The following EMG1 variants were observed in gnomAD, a reference collection of about 807,000 sequenced individuals.
The protein encoded by EMG1 is ribosomal RNA small subunit methyltransferase NEP1.
Under a neutral mutation model 26.9 loss-of-function variants are expected in EMG1, and 24 were observed. The ratio of observed to expected loss-of-function variants is 0.89; its 90% confidence interval spans 0.65 to 1.26. The LOEUF is 1.26. Among genes scored for constraint, EMG1 ranks in the 50% most tolerant of loss-of-function variants. The pLI is 0.00. For missense variants in EMG1, 299 were observed against 307.6 expected (o/e 0.97, Z 0.21); for synonymous variants, 140 against 112.6 (o/e 1.24, Z -1.54).
rs1358110272 is a variant in EMG1 at position 6,978,088 on chromosome 12, A to G, written c.*2279A>G. ...GTTGATAAACAGGGCAGTGGAGGAC[A>G]TAAGTCCATTGGCAGAGCTGGAGTA... On this transcript the variant is annotated 3_prime_UTR_variant, in exon 6 of 6. Coordinates refer to ENST00000599672, the MANE Select transcript of EMG1 (RefSeq NM_006331.8). 5 of 566,814 alleles carry G rather than the reference A, an allele frequency of 8.8e-6. No homozygotes were observed. Among genetic ancestry groups the G allele is most frequent in the East Asian group, 6.0e-5 (2 of 33,320 alleles). 35.1% of individuals were successfully genotyped at this position (566,814 alleles called of 1,614,324 possible). A position where few individuals can be genotyped will look rare whatever the true frequency, so the allele number is the denominator to read the frequency against.
downstream of EMG1, chr12:6,981,006 G>A: frequency 6.3e-7 from 1 of 1,591,718 alleles, no homozygotes; most frequent in Non-Finnish European, 8.5e-7. Context: ...GCAATTACCT[G>A]TTTGGTATCT....
chr12:6,981,746 G>C, downstream of EMG1: 3 of 1,468,244 alleles, frequency 2.0e-6, no homozygotes, highest in South Asian at 3.4e-5. Flanking sequence ...GGGTGCCGAG[G>C]AAGTTTTTAG....
chr12:6,992,302 T>C (rs1251821675), downstream of EMG1, among the ~76,000 whole-genome samples: 1 of 151,506 alleles, frequency 6.6e-6, no homozygotes. Flanking sequence ...CACCGCACTC[T>C]AGCCTGGGTA....
rs1946450613 is a variant in EMG1, at chr12:6,979,777, C to T, written c.*3968C>T. On this transcript the variant is annotated 3_prime_UTR_variant, in exon 6 of 6. Coordinates refer to ENST00000599672, the MANE Select transcript of EMG1 (RefSeq NM_006331.8). ...GGCTATGAGGAATGGGGACTGCAAA[C>T]CTCTTAAGAGTTGTAGGAAAGTCAG... 1.7e-6 allele frequency: 1 copy of T among 593,184 alleles called. No homozygotes were observed. The highest frequency in any genetic ancestry group is 3.0e-6 in the Non-Finnish European group (1 of 332,268). 36.7% of individuals were successfully genotyped at this position (593,184 alleles called of 1,614,324 possible).
At chr12:6,974,239 G>C in intron 1 of EMG1, 100 bp from the exon 2 acceptor site, 1 of 836,768 alleles carries the variant, frequency 1.2e-6, no homozygotes, top group Non-Finnish European at 2.0e-6. Flanking sequence ...AAGTTTCCAG[G>C]TGCAGCTGCT....
chr12:6,974,940 GCAAC>G lies in EMG1; in HGVS notation c.413-149_413-146del, dbSNP rs1555152879. 4.5e-6 allele frequency: 4 copies of G among 883,996 alleles called. No individual in the cohort carries two copies. In the African/African-American group the frequency reaches 5.0e-5, roughly 11 times the overall value. 54.8% of individuals were successfully genotyped at this position (883,996 alleles called of 1,614,324 possible). A position where few individuals can be genotyped will look rare whatever the true frequency, so the allele number is the denominator to read the frequency against. ...CACTGTACAGCTAGCCATATGCTTG[GCAAC>G]TGTTTGTTCCTAACATTTCAGGAGT... On this transcript the variant is annotated intron_variant, in intron 3 of 5. Transcript: ENST00000599672.
At chr12:6,990,543 A>AAATT (rs1410857198), downstream of EMG1, among the ~76,000 whole-genome samples, 1 of 143,080 alleles carries the variant, frequency 7.0e-6, no homozygotes, top group Non-Finnish European at 1.6e-5. Context: ...ATAAATAAAT[A>AAATT]AATAAATAAA....
chr12:6,985,963 C>T lies in EMG1; in HGVS notation c.*155-1819C>T, dbSNP rs948369757. Among the ~76,000 whole-genome samples the T allele has an allele frequency of 1.7e-3, 262 of 151,890 alleles. 1 individual carries two copies. The South Asian group carries it at 0.031, about 18-fold the overall frequency. Reference sequence around the variant, plus strand: ...TGAATTTTTGTATTTTTAGTAGAGACGGTATTTCACCATGTTGGCCAGGCT... The same window carrying T: ...TGAATTTTTGTATTTTTAGTAGAGATGGTATTTCACCATGTTGGCCAGGCT... On this transcript the variant is annotated intron_variant and NMD_transcript_variant, in intron 6 of 7. Coordinates refer to the EMG1 transcript ENST00000261406.
chr12:6,993,730 T>C (rs1555155768), intron 7 of EMG1, among the ~76,000 whole-genome samples: 1 of 152,250 alleles, frequency 6.6e-6, no homozygotes. Context: ...TTCCTGTTTA[T>C]GGCTGAATAA....
rs782749715 is a variant in EMG1, at chr12:6,974,384, A to G, written c.214A>G (p.Ile72Val). 7 of 1,613,844 alleles carry G rather than the reference A, an allele frequency of 4.3e-6. No individual in the cohort carries two copies. In the East Asian group the frequency reaches 1.3e-4, roughly 31 times the overall value. The part of the protein sequence containing the change: ...ELLNCDKHKS[I>V]LLKNGRDPGE... The stretch of plus-strand genomic sequence containing the variant: ...ACTCAACTGTGACAAGCACAAGTCT[A>G]TATTGTTGAAGAATGGACGGGACCC... Residue 72 changes from isoleucine (I) to valine (V), a missense_variant, in exon 2 of 6, where the codon ATA (isoleucine) becomes GTA (valine). Transcript: ENST00000599672.
Position 6,978,719 on chromosome 12 carries a change from G to T in EMG1, c.*2910G>T. On this transcript the variant is annotated 3_prime_UTR_variant, in exon 6 of 6. Transcript: ENST00000599672. Reference sequence around the variant, plus strand: ...AGGGAAGAAAGCACAGTGCATTAGGGATATCACATGACTAGGCAGTTTCTC... The same window carrying T: ...AGGGAAGAAAGCACAGTGCATTAGGTATATCACATGACTAGGCAGTTTCTC... 2 of 1,611,976 alleles carry T rather than the reference G, an allele frequency of 1.2e-6. No individual in the cohort carries two copies. Among genetic ancestry groups the T allele is most frequent in the Non-Finnish European group, 1.7e-6 (2 of 1,178,986 alleles).
Position 6,976,810 on chromosome 12 carries a change from CT to C in EMG1, c.*1005del. The C allele has an allele frequency of 5.0e-6, 1 of 200,310 alleles. No individual in the cohort carries two copies. Among genetic ancestry groups the C allele is most frequent in the South Asian group, 1.2e-4 (1 of 8,610 alleles). 12.4% of individuals were successfully genotyped at this position (200,310 alleles called of 1,614,324 possible). On this transcript the variant is annotated 3_prime_UTR_variant, in exon 6 of 6. Coordinates refer to ENST00000599672, the MANE Select transcript of EMG1 (RefSeq NM_006331.8). ...AAGCATCGATCTTCCACCTCCCTGG[CT>C]TTTCCATTCTCTGCTCTGGGGCAAA... is the stretch of plus-strand genomic sequence containing the variant.
downstream of EMG1, among the ~76,000 whole-genome samples, chr12:6,983,934 G>A (rs1190083666): frequency 2.4e-4 from 37 of 152,232 alleles, no homozygotes; most frequent in East Asian, 6.6e-3. Flanking sequence ...CTTGAGCCGA[G>A]GAGTTCGACA....
rs782496754 is a variant in EMG1, at chr12:6,978,367, G to A, written c.*2558G>A. The A allele has an allele frequency of 2.5e-6, 4 of 1,612,986 alleles. No individual in the cohort carries two copies. The highest frequency in any genetic ancestry group is 3.4e-6 in the Non-Finnish European group (4 of 1,179,474). On this transcript the variant is annotated 3_prime_UTR_variant, in exon 6 of 6. Coordinates refer to ENST00000599672, the MANE Select transcript of EMG1 (RefSeq NM_006331.8). ...GGGCCACCCAGGCGTTGGTGTTGAT[G>A]TTGAATGAGGCAATGGTGCCAGTGA...
In EMG1 at chr12:6,987,954, G is replaced by A. The variant is rs1946544384; in HGVS notation, c.*211+116G>A. 1 of 397,476 alleles carries A rather than the reference G, an allele frequency of 2.5e-6. No individual in the cohort carries two copies. The highest frequency in any genetic ancestry group is 4.5e-6 in the Non-Finnish European group (1 of 224,700). 24.6% of individuals were successfully genotyped at this position (397,476 alleles called of 1,614,324 possible). ...TTTCCTTGCTACTCTGGGATCAACA[G>A]TCACCTCTTGAACTTTTGGGGTGCT... On this transcript the variant is annotated intron_variant and NMD_transcript_variant, in intron 7 of 7. Transcript: ENST00000261406. The surrounding 1 kb of genome is among the most constrained non-coding windows in gnomAD (Gnocchi z 4.1).
downstream of EMG1, chr12:6,982,617 C>A (rs782553501): frequency 1.1e-5 from 14 of 1,297,094 alleles, no homozygotes; most frequent in Non-Finnish European, 1.6e-5. Flanking sequence ...CCCCTGCCTA[C>A]CCCTGTCCCC....
chr12:6,984,154 T>G (rs1402909283), downstream of EMG1, among the ~76,000 whole-genome samples: 5 of 152,236 alleles, frequency 3.3e-5, no homozygotes, highest in African/African-American at 1.2e-4. Context: ...ACAAGTTATG[T>G]GGAGATACTC....
chr12:6,996,281 C>G (rs1332689183), intron 7 of EMG1, among the ~76,000 whole-genome samples: 3 of 152,246 alleles, frequency 2.0e-5, no homozygotes, highest in Non-Finnish European at 4.4e-5. Context: ...ATCCTTCCTA[C>G]ACCTCAGGTC....
At chr12:6,975,472 G>C (rs1452749042) in intron 5 of EMG1, 94 bp downstream of exon 5, 1 of 1,336,696 alleles carries the variant, frequency 7.5e-7, no homozygotes, top group Non-Finnish European at 1.0e-6. Context: ...CTTACAATGA[G>C]CTAGAAGACA....
Sources: gnomAD v4.1 joint callset for allele counts (sites outside exome capture counted in the v4.1 genomes callset) on GRCh38, gnomAD v4.1.1 for gene constraint, Gnocchi (gnomAD v3.1) non-coding constraint, MANE v1.5 for transcripts, NCBI Gene and HGNC (gene_info 2026-07-23, HGNC 2026-07-21) for gene names.